The following FOXN3 variants were observed in gnomAD, a reference collection of about 807,000 sequenced individuals.
FOXN3 encodes the protein forkhead box N3.
FOXN3 carries 7 observed loss-of-function variants against 38.4 expected under a neutral mutation model. That is an observed-to-expected ratio of 0.18 (90% CI 0.10 to 0.34). The LOEUF (loss-of-function observed/expected upper bound fraction) is 0.34. Ranked by LOEUF, FOXN3 falls within the 10% of genes least tolerant of loss-of-function variation. The probability of loss-of-function intolerance (pLI) is 1.00; values close to 1 mark genes in which losing one functional copy is unlikely to be tolerated. For synonymous variants in FOXN3, 230 were observed against 242.2 expected (o/e 0.95, Z 0.47); for missense variants, 456 against 613.4 (o/e 0.74, Z 2.71).
rs1167660231 is a variant in FOXN3, at chr14:89,163,821, C to A, written c.852-852G>T. ...TTAAAGTCACACAACTGATCACTTG[C>A]GGAGCAGGGACTGGAATCAAAGTCT... On this transcript the variant is annotated intron_variant, in intron 5 of 5. Coordinates refer to ENST00000557258, the MANE Select transcript of FOXN3 (RefSeq NM_005197.4). The surrounding 1 kb of genome is among the most constrained non-coding windows in gnomAD (Gnocchi z 4.3). Among the ~76,000 whole-genome samples, 4 of 152,132 alleles carry A rather than the reference C, an allele frequency of 2.6e-5. No homozygotes were observed. Among genetic ancestry groups the A allele is most frequent in the African/African-American group, 9.7e-5 (4 of 41,414 alleles).
chr14:89,500,772 G>A (rs1243210409), intron 1 of FOXN3, among the ~76,000 whole-genome samples: 4 of 152,302 alleles, frequency 2.6e-5, no homozygotes, highest in Admixed American at 6.5e-5. Context: ...CAGCCATCCC[G>A]CAGTTTGTCG....
At position 89,466,036 on chromosome 14, in the gene FOXN3, A is replaced by G. The variant is rs540824031; in HGVS notation, c.-14-53546T>C. ...AAAGTATCTACCAGCTGCCCCCCAC[A>G]TAAGTCACAGTGTGATCGTCACTGA... On this transcript the variant is annotated intron_variant, in intron 1 of 6. Transcript: ENST00000345097. Among the ~76,000 whole-genome samples the G allele has an allele frequency of 1.5e-3, 232 of 152,316 alleles. 2 individuals are homozygous for G. Among genetic ancestry groups the G allele is most frequent in the African/African-American group, 5.2e-3 (218 of 41,572 alleles).
intron 2 of FOXN3, among the ~76,000 whole-genome samples, chr14:89,402,936 C>T (rs1458659543): frequency 1.3e-5 from 2 of 152,148 alleles, no homozygotes; most frequent in East Asian, 1.9e-4. Flanking sequence ...TTCCCACACC[C>T]GAAGAATGCT....
intron 2 of FOXN3, among the ~76,000 whole-genome samples, chr14:89,410,606 C>CT (rs1276505239): frequency 6.6e-6 from 1 of 152,186 alleles, no homozygotes; most frequent in African/African-American, 2.4e-5. Flanking sequence ...GGCGTGGTGG[C>CT]TCATGCCTGT....
In FOXN3 at chr14:89,160,277, G is replaced by C. The variant is rs1490279992; in HGVS notation, c.*2137C>G. 2 of 140,274 alleles carry C rather than the reference G, an allele frequency of 1.4e-5. No homozygotes were observed. Among genetic ancestry groups the C allele is most frequent in the East Asian group, 4.2e-4 (2 of 4,802 alleles). 8.7% of individuals were successfully genotyped at this position (140,274 alleles called of 1,614,324 possible). ...GCAAAGGTAACAACAGGAGTTTCTG[G>C]GCTGCATGACGTTGTCTGGTTTCTA... On this transcript the variant is annotated 3_prime_UTR_variant, in exon 6 of 6. Transcript: ENST00000557258.
chr14:89,206,271 A>G (rs988817387), intron 4 of FOXN3, among the ~76,000 whole-genome samples: 6 of 152,262 alleles, frequency 3.9e-5, no homozygotes, highest in East Asian at 1.9e-4. Context: ...CGTGAGGGCC[A>G]GAGCCTGGTC....
At chr14:89,179,709 C>T (rs1405410097) in intron 5 of FOXN3, among the ~76,000 whole-genome samples, 1 of 152,044 alleles carries the variant, frequency 6.6e-6, no homozygotes, top group Non-Finnish European at 1.5e-5. Context: ...TGGGGCTAAT[C>T]GGTTCACGGC....
chr14:89,182,057 C>G (rs550982294), intron 4 of FOXN3, among the ~76,000 whole-genome samples: 13 of 152,152 alleles, frequency 8.5e-5, no homozygotes, highest in Admixed American at 8.5e-4. Flanking sequence ...GTAAATAGTG[C>G]TTTTTCAAAC....
intron 1 of FOXN3, among the ~76,000 whole-genome samples, chr14:89,451,515 G>A (rs2139711988): frequency 6.6e-6 from 1 of 152,278 alleles, no homozygotes; most frequent in African/African-American, 2.4e-5. Context: ...CCTTTAGATT[G>A]ATATAATTTC....
intron 1 of FOXN3, among the ~76,000 whole-genome samples, chr14:89,550,581 A>T (rs1894983624): frequency 6.6e-6 from 1 of 152,210 alleles, no homozygotes; most frequent in Non-Finnish European, 1.5e-5. Flanking sequence ...GACAAACAGC[A>T]CACTCTGCAC....
rs189608510 is a variant in FOXN3 at position 89,484,003 on chromosome 14, A to G, written c.-14-71513T>C. Among the ~76,000 whole-genome samples, 35 of 152,362 alleles carry G rather than the reference A, an allele frequency of 2.3e-4. No homozygotes were observed. The highest frequency in any genetic ancestry group is 1.5e-5 in the Non-Finnish European group (1 of 68,028). On this transcript the variant is annotated intron_variant, in intron 1 of 6. Coordinates refer to the FOXN3 transcript ENST00000345097. This position sits in a 1 kb window ranked among gnomAD's most constrained non-coding sequence, Gnocchi z 4.0. ...GTTTGTTTTAATTTGGTGCTGATTT[A>G]TTCCAACATTTAGGTTAATCCAAGA...
chr14:89,224,293 A>G (rs1229093301), intron 4 of FOXN3, among the ~76,000 whole-genome samples: 1 of 152,242 alleles, frequency 6.6e-6, no homozygotes, highest in African/African-American at 2.4e-5. Context: ...TTAATTAACT[A>G]AGTTTGCAAA....
intron 3 of FOXN3, among the ~76,000 whole-genome samples, chr14:89,287,840 C>T (rs920526277): frequency 4.6e-5 from 7 of 151,218 alleles, no homozygotes; most frequent in African/African-American, 4.9e-5. Flanking sequence ...CACTTGAGCC[C>T]AGGAGTTTGA....
intron 1 of FOXN3, among the ~76,000 whole-genome samples, chr14:89,580,609 C>G (rs1184845883): frequency 2.6e-5 from 4 of 152,174 alleles, no homozygotes; most frequent in Non-Finnish European, 5.9e-5. Flanking sequence ...ATTCTTTGTA[C>G]TAACACCTGA....
chr14:89,497,485 C>T (rs1273719693), intron 1 of FOXN3, among the ~76,000 whole-genome samples: 3 of 147,536 alleles, frequency 2.0e-5, no homozygotes, highest in African/African-American at 5.0e-5. Flanking sequence ...CGGCTCACTA[C>T]AACCTCTGCC....
At chr14:89,540,548 C>T (rs374910842) in intron 1 of FOXN3, among the ~76,000 whole-genome samples, 13 of 152,156 alleles carry the variant, frequency 8.5e-5, no homozygotes, top group African/African-American at 2.9e-4. Flanking sequence ...CCCTGGCCAA[C>T]ATAGTGAAAC....
At chr14:89,253,419 G>A (rs1042533414) in intron 4 of FOXN3, among the ~76,000 whole-genome samples, 3 of 152,126 alleles carry the variant, frequency 2.0e-5, no homozygotes, top group South Asian at 2.1e-4. Context: ...TCCGTGAGGC[G>A]TGATCCATCC....
intron 3 of FOXN3, among the ~76,000 whole-genome samples, chr14:89,328,584 T>C (rs1052500352): frequency 6.6e-5 from 10 of 152,214 alleles, no homozygotes; most frequent in Middle Eastern, 3.4e-3. Context: ...ACTGGATGAA[T>C]AGGAGAAGAG....
Position 89,377,312 on chromosome 14 carries a change from AAAATAAATAAAT to A in FOXN3, c.544-26516_544-26505del, listed in dbSNP as rs34397438. Among the ~76,000 whole-genome samples, 549 of 149,758 alleles carry A rather than the reference AAAATAAATAAAT, an allele frequency of 3.7e-3. 2 individuals carry two copies. The highest frequency in any genetic ancestry group is 0.013 in the African/African-American group (519 of 40,770). Reference sequence around the variant, plus strand: ...CCACATCTTCACTGGATGCTGGTAAAAAATAAATAAATAAATAAATAAATAAATAAAGGTCTT... The same window carrying A: ...CCACATCTTCACTGGATGCTGGTAAAAAATAAATAAATAAATAAAGGTCTT... On this transcript the variant is annotated intron_variant, in intron 2 of 5. Coordinates refer to ENST00000557258, the MANE Select transcript of FOXN3 (RefSeq NM_005197.4).
Sources: allele counts gnomAD v4.1 joint callset (sites outside exome capture counted in the v4.1 genomes callset), GRCh38; gene constraint gnomAD v4.1.1; non-coding constraint Gnocchi (gnomAD v3.1); transcripts MANE v1.5; gene names NCBI Gene and HGNC (gene_info 2026-07-23, HGNC 2026-07-21).